The following SLC9B1 variants were observed in gnomAD, a reference collection of about 807,000 sequenced individuals.
SLC9B1 encodes solute carrier family 9 member B1.
In SLC9B1, 32 loss-of-function variants were observed where a neutral mutation model predicts 51.7. The ratio of observed to expected loss-of-function variants is 0.62; its 90% confidence interval spans 0.47 to 0.83. The LOEUF (loss-of-function observed/expected upper bound fraction) is 0.83. Among genes scored for constraint, SLC9B1 ranks in the 40% least tolerant of loss-of-function variants. The probability of loss-of-function intolerance (pLI) is 0.00; values close to 1 mark genes in which losing one functional copy is unlikely to be tolerated. For missense variants in SLC9B1, 406 were observed against 613.2 expected, an observed-to-expected ratio of 0.66 and a Z score of 3.57; for synonymous variants, 145 against 212.7, an observed-to-expected ratio of 0.68 and a Z score of 2.77.
Position 102,989,912 on chromosome 4 carries a change from C to A in SLC9B1, c.99G>T (p.Gln33His), listed in dbSNP as rs2715591. The part of the protein sequence containing the change: ...QSLIDPNNTA[Q>H]EETKTVLSDT... ...CTGATAAGACAGTTTTAGTTTCTTCCTGTGCAGTATTATTAGGATCAATGA... is the reference window on the plus strand; with the variant it reads ...CTGATAAGACAGTTTTAGTTTCTTCATGTGCAGTATTATTAGGATCAATGA... The change falls in exon 3 of 12, where the codon CAG becomes CAT. Residue 33 changes from glutamine to histidine, a missense_variant. This residue lies in a region of SLC9B1 where 108 missense variants were observed against 94.5 expected (regional missense o/e 1.14). Coordinates refer to ENST00000296422, the MANE Select transcript of SLC9B1 (RefSeq NM_139173.4). 1,582,294 of 1,590,910 alleles carry A rather than the reference C, an allele frequency of 0.99. 786,879 individuals are homozygous for A. The highest frequency in any genetic ancestry group is 1 in the East Asian group (44,348 of 44,348).
intron 6 of SLC9B1, among the ~76,000 whole-genome samples, chr4:102,937,834 T>C (rs1193118957): frequency 6.6e-6 from 1 of 151,446 alleles, no homozygotes; most frequent in East Asian, 1.9e-4. Context: ...GCTAAGGGAA[T>C]CTGTTACCAC....
intron 7 of SLC9B1, among the ~76,000 whole-genome samples, chr4:102,918,367 T>G (rs979196778): frequency 6.6e-6 from 1 of 152,100 alleles, no homozygotes; most frequent in African/African-American, 2.4e-5. Context: ...ATAAAAAATC[T>G]TAATAGACCT....
intron 7 of SLC9B1, among the ~76,000 whole-genome samples, chr4:102,922,156 T>C (rs1271006894): frequency 2.0e-5 from 3 of 152,100 alleles, no homozygotes; most frequent in Non-Finnish European, 4.4e-5. Context: ...ACCACATAAT[T>C]GGAAGTAAAG....
chr4:102,972,634 A>G (rs1183048770), intron 3 of SLC9B1, among the ~76,000 whole-genome samples: 1 of 152,238 alleles, frequency 6.6e-6, no homozygotes, highest in African/African-American at 2.4e-5. Context: ...GGGAGGATTT[A>G]ATGCAAATAA....
intron 9 of SLC9B1, among the ~76,000 whole-genome samples, chr4:102,908,084 C>T (rs1322365092): frequency 1.3e-5 from 2 of 152,254 alleles, no homozygotes; most frequent in African/African-American, 4.8e-5. Context: ...TAGGAACAGC[C>T]AAAAAATACT....
rs547315595 is a variant in SLC9B1 at position 102,964,536 on chromosome 4, TA to T, written c.212-15110del. 2.6e-5 allele frequency among the ~76,000 whole-genome samples: 4 copies of T among 152,304 alleles called. No individual in the cohort carries two copies. In the East Asian group the frequency reaches 7.7e-4, roughly 29 times the overall value. ...CCAATATCCCTTATGAACCTAGACA[TA>T]AATATTCTTAACCAAATATTAGTAA... On this transcript the variant is annotated intron_variant, in intron 3 of 11. Transcript: ENST00000296422.
rs188902626 is a variant in SLC9B1, at chr4:103,003,867, G to A, written c.-1-12155C>T. 4.8e-4 allele frequency among the ~76,000 whole-genome samples: 73 copies of A among 152,250 alleles called. 2 individuals carry two copies. The highest frequency in any genetic ancestry group is 4.7e-3 in the Admixed American group (72 of 15,294). On this transcript the variant is annotated intron_variant, in intron 1 of 11. Coordinates refer to ENST00000296422, the MANE Select transcript of SLC9B1 (RefSeq NM_139173.4). ...TGACCCCTTAAAATCTTCCAGAAATGAAGCCAGCCAACTGAACCCACCTTA... is the reference window on the plus strand; with the variant it reads ...TGACCCCTTAAAATCTTCCAGAAATAAAGCCAGCCAACTGAACCCACCTTA...
chr4:102,902,706 T>A (rs188820108), intron 11 of SLC9B1, among the ~76,000 whole-genome samples: 15 of 152,210 alleles, frequency 9.9e-5, no homozygotes, highest in Non-Finnish European at 2.2e-4. Context: ...GTGAGGACTT[T>A]ATTAGATGAT....
At chr4:102,902,556 T>C (rs1406617009) in intron 11 of SLC9B1, among the ~76,000 whole-genome samples, 2 of 151,960 alleles carry the variant, frequency 1.3e-5, no homozygotes, top group African/African-American at 4.8e-5. Context: ...CCAAACCCAT[T>C]GACTTTTAAG....
intron 1 of SLC9B1, among the ~76,000 whole-genome samples, chr4:103,008,230 T>G (rs370042332): frequency 4.6e-5 from 7 of 152,340 alleles, no homozygotes; most frequent in Admixed American, 4.6e-4. Context: ...TATTTAAAAC[T>G]TATTAGAAGT....
intron 11 of SLC9B1, among the ~76,000 whole-genome samples, chr4:102,902,058 G>T (rs1578330825): frequency 6.6e-6 from 1 of 152,164 alleles, no homozygotes; most frequent in African/African-American, 2.4e-5. Context: ...CCAGGTCAGA[G>T]AATGAGTTCC....
intron 7 of SLC9B1, among the ~76,000 whole-genome samples, chr4:102,929,135 A>G (rs1444271045): frequency 5.9e-5 from 9 of 152,178 alleles, no homozygotes; most frequent in African/African-American, 1.9e-4. Flanking sequence ...GGATCCTTCA[A>G]TCCAATCAAG....
At chr4:103,014,781 A>G (rs1741238347) in intron 1 of SLC9B1, 1 of 152,212 alleles carries the variant, frequency 6.6e-6, no homozygotes, top group South Asian at 2.1e-4. Flanking sequence ...CATACAATAG[A>G]GTGTAAAAAG....
intron 1 of SLC9B1, among the ~76,000 whole-genome samples, chr4:103,001,705 C>A (rs977584702): frequency 3.9e-5 from 6 of 152,202 alleles, no homozygotes; most frequent in African/African-American, 1.4e-4. Flanking sequence ...CTCCTCTATT[C>A]TTCTGAGCCC....
chr4:102,990,820 C>CA (rs1739905766), intron 2 of SLC9B1, among the ~76,000 whole-genome samples: 1 of 151,962 alleles, frequency 6.6e-6, no homozygotes. Flanking sequence ...ACTAAGGAGA[C>CA]AGAGATATCA....
At chr4:102,893,281 CAAAAAAAAAAA>C (rs58316456) in intron 11 of SLC9B1, among the ~76,000 whole-genome samples, 2 of 35,160 alleles carry the variant, frequency 5.7e-5, no homozygotes, top group African/African-American at 1.2e-4. Context: ...GACTCCATCT[CAAAAAAAAAAA>C]AAAAAAAAAA....
At chr4:102,961,373 A>T (rs1379573648) in intron 3 of SLC9B1, among the ~76,000 whole-genome samples, 1 of 152,292 alleles carries the variant, frequency 6.6e-6, no homozygotes, top group Non-Finnish European at 1.5e-5. Context: ...GCAAAAACTG[A>T]CTACATACTT....
exon 12 of SLC9B1, chr4:102,885,181 GAGCACTGCAGATTCTGA>G: frequency 6.6e-7 from 1 of 1,515,410 alleles, no homozygotes; most frequent in Non-Finnish European, 9.2e-7. Flanking sequence ...TCTTTTCCAA[GAGCACTGCAGATTCTGA>G]CACATCTACA....
intron 1 of SLC9B1, among the ~76,000 whole-genome samples, chr4:103,009,567 C>T (rs557016503): frequency 6.6e-6 from 1 of 152,314 alleles, no homozygotes; most frequent in East Asian, 1.9e-4. Flanking sequence ...GAGACTGCAG[C>T]TCTTTTCCTT....
Sources: gnomAD v4.1 joint callset for allele counts (sites outside exome capture counted in the v4.1 genomes callset) on GRCh38, gnomAD v4.1.1 for gene constraint, gnomAD v4.1.1 regional missense constraint, MANE v1.5 for transcripts, NCBI Gene and HGNC (gene_info 2026-07-23, HGNC 2026-07-21) for gene names.